The following ABTB2 variants were observed in gnomAD, a reference collection of about 807,000 sequenced individuals.
ABTB2 encodes the protein ankyrin repeat and BTB/POZ domain-containing protein 2.
Under a neutral mutation model 104.1 loss-of-function variants are expected in ABTB2, and 56 were observed. The ratio of observed to expected loss-of-function variants is 0.54; its 90% CI spans 0.43 to 0.67. The LOEUF (loss-of-function observed/expected upper bound fraction) is 0.67. Ranked by LOEUF, ABTB2 falls within the 30% of genes least tolerant of loss-of-function variation. ABTB2 has a pLI of 0.00. For missense variants in ABTB2, 1,279 were observed against 1,407.7 expected (o/e 0.91, Z 1.46); for synonymous variants, 606 against 608.2 (o/e 1.00, Z 0.05).
chr11:34,291,830 T>A (rs912345420), intron 1 of ABTB2, among the ~76,000 whole-genome samples: 12 of 152,266 alleles, frequency 7.9e-5, no homozygotes, highest in Middle Eastern at 3.4e-3. Context: ...TAAAAAATTA[T>A]TTAACATATA....
At chr11:34,314,889 G>A (rs963528479) in intron 1 of ABTB2, among the ~76,000 whole-genome samples, 1 of 152,206 alleles carries the variant, frequency 6.6e-6, no homozygotes, top group African/African-American at 2.4e-5. Flanking sequence ...GGCTAACCCT[G>A]TTCTGAGAGG....
rs1437673474 is a variant in ABTB2, at chr11:34,154,612, A to G, written c.2766+89T>C. ...TGCTCTTCCTGTCAGATGGAGAGGA[A>G]GAGCCACCTTCCCTCTGAAGGGGGT... is the stretch of plus-strand genomic sequence containing the variant. On this transcript the variant is annotated intron_variant, in intron 15 of 16. Transcript: ENST00000435224. This position sits in a 1 kb window ranked among gnomAD's most constrained non-coding sequence, Gnocchi z 4.9. 9.0e-6 allele frequency: 12 copies of G among 1,338,106 alleles called. No homozygotes were observed. The highest frequency in any genetic ancestry group is 1.3e-5 in the Non-Finnish European group (12 of 940,890). The allele number at this position is 1,338,106 out of a possible 1,614,324, so 82.9% of individuals were successfully genotyped here.
intron 1 of ABTB2, among the ~76,000 whole-genome samples, chr11:34,322,388 C>A (rs1455024906): frequency 6.6e-6 from 1 of 152,028 alleles, no homozygotes; most frequent in African/African-American, 2.4e-5. Context: ...CCAGTCTGGC[C>A]AAGATGGTGA....
intron 1 of ABTB2, among the ~76,000 whole-genome samples, chr11:34,284,007 C>T (rs1011406363): frequency 3.3e-5 from 5 of 152,380 alleles, no homozygotes; most frequent in Admixed American, 2.0e-4. Flanking sequence ...GCATCTCAAA[C>T]TGTGCCATGC....
intron 1 of ABTB2, among the ~76,000 whole-genome samples, chr11:34,276,526 C>T (rs1565157136): frequency 6.6e-6 from 1 of 152,180 alleles, no homozygotes; most frequent in Non-Finnish European, 1.5e-5. Flanking sequence ...AGTCCCCACC[C>T]AGCCTGGCTC....
chr11:34,180,729 G>T (rs6484698), intron 3 of ABTB2, among the ~76,000 whole-genome samples: 1 of 152,028 alleles, frequency 6.6e-6, no homozygotes, highest in Admixed American at 6.5e-5. Context: ...AGCTGCAATA[G>T]GGATGCTAGA....
intron 1 of ABTB2, among the ~76,000 whole-genome samples, chr11:34,222,887 G>A (rs532370277): frequency 9.9e-5 from 15 of 152,272 alleles, no homozygotes; most frequent in Non-Finnish European, 1.5e-4. Flanking sequence ...CTGGGGGAAC[G>A]ACAGAGCCTG....
chr11:34,216,649 G>T (rs1266968420), intron 1 of ABTB2, among the ~76,000 whole-genome samples: 1 of 152,200 alleles, frequency 6.6e-6, no homozygotes, highest in Non-Finnish European at 1.5e-5. Flanking sequence ...TACTCAGGAG[G>T]CTGAGGCAGG....
intron 1 of ABTB2, among the ~76,000 whole-genome samples, chr11:34,345,989 C>T (rs868215857): frequency 1.3e-5 from 2 of 152,200 alleles, no homozygotes; most frequent in Non-Finnish European, 1.5e-5. Flanking sequence ...GCCTCTCATA[C>T]TGACCTGCCC....
intron 2 of ABTB2, 76 bp downstream of exon 2, chr11:34,204,468 G>A (rs1590215878): frequency 6.8e-7 from 1 of 1,474,044 alleles, no homozygotes; most frequent in South Asian, 1.4e-5. Flanking sequence ...GAGGAGGCGA[G>A]CTCTCCCTGC....
chr11:34,233,989 C>T lies in ABTB2; in HGVS notation c.884-29299G>A, dbSNP rs112814293. On this transcript the variant is annotated intron_variant, in intron 1 of 16. Transcript: ENST00000435224. ...ACCTACACAGTTTCCAGGGTCATCG[C>T]TCCCTCAAATTTGAATTGTCAGCTT... 5.4e-3 allele frequency among the ~76,000 whole-genome samples: 818 copies of T among 152,280 alleles called. 3 individuals are homozygous for T. The highest frequency in any genetic ancestry group is 0.019 in the African/African-American group (791 of 41,546).
intron 1 of ABTB2, among the ~76,000 whole-genome samples, chr11:34,256,136 A>C (rs992846061): frequency 8.0e-6 from 1 of 124,694 alleles, no homozygotes; most frequent in African/African-American, 3.2e-5. Flanking sequence ...TGTTGTCCAC[A>C]CTGCCGTCGG....
In ABTB2 at chr11:34,195,536, C is replaced by G. The variant is rs965589459; in HGVS notation, c.1244+1789G>C. On this transcript the variant is annotated intron_variant, in intron 3 of 16. Coordinates refer to ENST00000435224, the MANE Select transcript of ABTB2 (RefSeq NM_145804.3). ...GACATAAGGATACTAGTACTGATAACAGCAATGGTACCATTTACTGGGACC... is the reference window on the plus strand; with the variant it reads ...GACATAAGGATACTAGTACTGATAAGAGCAATGGTACCATTTACTGGGACC... Among the ~76,000 whole-genome samples the G allele has an allele frequency of 3.9e-5, 6 of 152,336 alleles. 1 individual carries two copies. The highest frequency in any genetic ancestry group is 3.9e-4 in the Admixed American group (6 of 15,304).
intron 1 of ABTB2, among the ~76,000 whole-genome samples, chr11:34,257,525 C>T (rs1854138693): frequency 6.6e-6 from 1 of 152,160 alleles, no homozygotes. Flanking sequence ...CTGTGCTGTC[C>T]AACACAGTAG....
chr11:34,289,201 TC>T (rs1854537719), intron 1 of ABTB2, among the ~76,000 whole-genome samples: 1 of 152,194 alleles, frequency 6.6e-6, no homozygotes, highest in Non-Finnish European at 1.5e-5. Context: ...AACAACTTAC[TC>T]AGCTTCCCTT....
chr11:34,201,563 A>C (rs1200200165), intron 2 of ABTB2, among the ~76,000 whole-genome samples: 1 of 152,212 alleles, frequency 6.6e-6, no homozygotes, highest in Non-Finnish European at 1.5e-5. Context: ...CCTATCTGGC[A>C]GCCTGATGTT....
At position 34,168,920 on chromosome 11, in the gene ABTB2, C is replaced by T. The variant is rs140906440; in HGVS notation, c.1564-928G>A. On this transcript the variant is annotated intron_variant, in intron 5 of 16. Transcript: ENST00000435224. ...CCCAGCAAGTGTTTGCCTGGTGTCC[C>T]GTGATGTTATTTATTAGGATATTTG... is the stretch of plus-strand genomic sequence containing the variant. Among the ~76,000 whole-genome samples the T allele has an allele frequency of 2.9e-4, 44 of 152,340 alleles. No individual in the cohort carries two copies. In the East Asian group the frequency reaches 7.9e-3, roughly 27 times the overall value.
chr11:34,234,202 G>A (rs941657587), intron 1 of ABTB2, among the ~76,000 whole-genome samples: 2 of 152,126 alleles, frequency 1.3e-5, no homozygotes, highest in Non-Finnish European at 2.9e-5. Flanking sequence ...CCTGGAGGAG[G>A]TGCCTAAAGC....
At position 34,356,717 on chromosome 11, in the gene ABTB2, G is replaced by A. The variant is rs760585103; in HGVS notation, c.867C>T (p.Cys289=). Residue 289 remains cysteine, a synonymous_variant, in exon 1 of 17, where the codon TGC becomes TGT. Transcript: ENST00000435224. This position sits in a 1 kb window ranked among gnomAD's most constrained non-coding sequence, Gnocchi z 4.6. ...GVLQPYEHLI[C]GKNANGVLSL... is the part of the protein sequence containing the mutation. ...CGCGCTTACCATTGGCGTTCTTGCC[G>A]CAGATGAGATGCTCATAGGGCTGCA... 2 of 1,593,776 alleles carry A rather than the reference G, an allele frequency of 1.3e-6. No homozygotes were observed. The highest frequency in any genetic ancestry group is 1.1e-5 in the South Asian group (1 of 89,832).
Sources: gnomAD v4.1 joint callset for allele counts (sites outside exome capture counted in the v4.1 genomes callset) on GRCh38, gnomAD v4.1.1 for gene constraint, Gnocchi (gnomAD v3.1) non-coding constraint, MANE v1.5 for transcripts, NCBI Gene and HGNC (gene_info 2026-07-23, HGNC 2026-07-21) for gene names.